MYOCD: variants seen among roughly 807,000 people sequenced by gnomAD.
MYOCD encodes myocardin.
In MYOCD, 32 loss-of-function variants were observed where a neutral mutation model predicts 96.1. The observed-to-expected ratio is 0.33, with a 90% CI of 0.25 to 0.45. The LOEUF is 0.45. MYOCD is among the 20% of genes least tolerant of loss of function. The probability of loss-of-function intolerance (pLI) is 1.00; values close to 1 mark genes in which losing one functional copy is unlikely to be tolerated. For synonymous variants in MYOCD, 469 were observed against 469.0 expected (o/e 1.00, Z 0.00); for missense variants, 1,133 against 1,200.6 (o/e 0.94, Z 0.83).
In MYOCD at chr17:12,746,055, A is replaced by G; in HGVS notation, c.1108A>G (p.Asn370Asp). ...SSFKPGPLPP[N>D]LDDLKVSELR... is the part of the protein sequence containing the mutation. ...TTTCAAACCAGGCCCACTCCCACCT[A>G]ACCTGGATGATCTGAAGGTATAGGA... The change falls in exon 9 of 14, where the codon AAC (asparagine) becomes GAC (aspartate). Residue 370 changes from asparagine to aspartate, a missense_variant. Transcript: ENST00000425538. 1 of 1,614,178 alleles carries G rather than the reference A, an allele frequency of 6.2e-7. No individual in the cohort carries two copies. Among genetic ancestry groups the G allele is most frequent in the Non-Finnish European group, 8.5e-7 (1 of 1,180,024 alleles).
intron 5 of MYOCD, among the ~76,000 whole-genome samples, chr17:12,728,037 T>G (rs570176369): frequency 3.3e-5 from 5 of 152,246 alleles, no homozygotes; most frequent in African/African-American, 1.2e-4. Flanking sequence ...TCATTGCCTA[T>G]TTCGCCTTCG....
At position 12,763,576 on chromosome 17, in the gene MYOCD, A is replaced by G. The variant is rs374731521; in HGVS notation, c.2893A>G (p.Ile965Val). 16 of 1,613,944 alleles carry G rather than the reference A, an allele frequency of 9.9e-6. No homozygotes were observed. The highest frequency in any genetic ancestry group is 2.7e-5 in the African/African-American group (2 of 74,892). Reference protein sequence around the residue: ...LTTSSPSIFNIDFLDVTDLNL... With the variant: ...LTTSSPSIFNVDFLDVTDLNL... ...CACCAGCAGCCCCAGCATCTTCAAC[A>G]TCGATTTCCTGGATGTCACTGATCT... is the stretch of plus-strand genomic sequence containing the variant. Residue 965 changes from isoleucine (I) to valine (V), a missense_variant, in exon 14 of 14, where the codon ATC becomes GTC. Transcript: ENST00000425538.
chr17:12,700,206 G>A (rs1477971103), intron 1 of MYOCD, among the ~76,000 whole-genome samples: 1 of 151,596 alleles, frequency 6.6e-6, no homozygotes, highest in Non-Finnish European at 1.5e-5. Context: ...ACCACAACCA[G>A]TCAATAAGCA....
chr17:12,749,608 T>C (rs929492534), intron 9 of MYOCD, among the ~76,000 whole-genome samples: 1 of 145,116 alleles, frequency 6.9e-6, no homozygotes, highest in Non-Finnish European at 1.5e-5. Context: ...TGTATATATA[T>C]ACACATGTCT....
At chr17:12,732,438 G>A (rs574622157) in intron 5 of MYOCD, among the ~76,000 whole-genome samples, 22 of 152,186 alleles carry the variant, frequency 1.4e-4, no homozygotes, top group Non-Finnish European at 2.5e-4. Context: ...CACCTCCTCC[G>A]GGAGGCTTCT....
chr17:12,714,704 G>A (rs1487934391), intron 2 of MYOCD, among the ~76,000 whole-genome samples: 1 of 152,174 alleles, frequency 6.6e-6, no homozygotes, highest in Non-Finnish European at 1.5e-5. Context: ...GCTATGAAGG[G>A]TGATGAGGAG....
At chr17:12,701,658 A>G (rs971192804) in intron 1 of MYOCD, among the ~76,000 whole-genome samples, 1 of 152,122 alleles carries the variant, frequency 6.6e-6, no homozygotes, top group African/African-American at 2.4e-5. Flanking sequence ...TTCTAATATA[A>G]GTATTTAAAA....
At chr17:12,726,498 T>C (rs2032004028) in intron 5 of MYOCD, among the ~76,000 whole-genome samples, 1 of 152,150 alleles carries the variant, frequency 6.6e-6, no homozygotes, top group Non-Finnish European at 1.5e-5. Context: ...AATCTCAACC[T>C]GGAAATGAAC....
intron 2 of MYOCD, among the ~76,000 whole-genome samples, chr17:12,709,515 T>C (rs533004841): frequency 3.9e-5 from 6 of 152,366 alleles, no homozygotes; most frequent in African/African-American, 1.2e-4. Context: ...GCATTTACAA[T>C]GGCAGTTGTG....
intron 1 of MYOCD, among the ~76,000 whole-genome samples, chr17:12,681,454 T>C (rs1056919241): frequency 2.6e-5 from 4 of 152,226 alleles, no homozygotes; most frequent in African/African-American, 9.6e-5. Flanking sequence ...AGGGAAAGAA[T>C]AGCTTCGCAG....
chr17:12,761,405 CTA>C (rs10543380), intron 13 of MYOCD: 36,566 of 151,716 alleles, frequency 0.24, 5,354 homozygotes, highest in East Asian at 0.39. Context: ...AGTCTCCGTG[CTA>C]TGATCAGACA....
At chr17:12,687,107 CAT>C (rs1012262903) in intron 1 of MYOCD, among the ~76,000 whole-genome samples, 25 of 152,250 alleles carry the variant, frequency 1.6e-4, no homozygotes, top group African/African-American at 5.1e-4. Context: ...GATTTTAAAA[CAT>C]AGAGTTTTAA....
chr17:12,687,347 A>C (rs1226440458), intron 1 of MYOCD, among the ~76,000 whole-genome samples: 1 of 152,180 alleles, frequency 6.6e-6, no homozygotes, highest in Non-Finnish European at 1.5e-5. Flanking sequence ...AGAAAAAGAC[A>C]TGTGGGTTTA....
At chr17:12,677,351 T>A (rs1169319464) in intron 1 of MYOCD, among the ~76,000 whole-genome samples, 1 of 151,990 alleles carries the variant, frequency 6.6e-6, no homozygotes, top group East Asian at 1.9e-4. Flanking sequence ...CAAACCCCCA[T>A]GACACGCGTT....
chr17:12,665,995 C>A lies in MYOCD; in HGVS notation c.-194C>A, dbSNP rs543743691. On this transcript the variant is annotated 5_prime_UTR_variant, in exon 1 of 14. Coordinates refer to ENST00000425538, the MANE Select transcript of MYOCD (RefSeq NM_001146312.3). This position sits in a 1 kb window ranked among gnomAD's most constrained non-coding sequence, Gnocchi z 4.2. ...GTCCCGCCGGCTAAGAGTTAATTAG[C>A]CCCGCACGGCGAGGGGGGAGGCGCC... The A allele has an allele frequency of 5.4e-5, 30 of 558,984 alleles. No homozygotes were observed. The highest frequency in any genetic ancestry group is 4.2e-4 in the African/African-American group (22 of 52,420). 34.6% of individuals were successfully genotyped at this position (558,984 alleles called of 1,614,324 possible).
intron 1 of MYOCD, among the ~76,000 whole-genome samples, chr17:12,695,767 G>A (rs1368098732): frequency 2.0e-5 from 3 of 152,010 alleles, no homozygotes; most frequent in Non-Finnish European, 2.9e-5. Flanking sequence ...GTGGCATTAC[G>A]TACACTCACA....
intron 9 of MYOCD, among the ~76,000 whole-genome samples, chr17:12,747,965 C>T (rs2032716352): frequency 6.7e-6 from 1 of 150,274 alleles, no homozygotes; most frequent in African/African-American, 2.4e-5. Flanking sequence ...GAGATCAAGA[C>T]CAGCCTGACC....
rs11871396 is a variant in MYOCD at position 12,692,137 on chromosome 17, T to C, written c.56-12991T>C. Among the ~76,000 whole-genome samples, 409 of 152,388 alleles carry C rather than the reference T, an allele frequency of 2.7e-3. 4 individuals are homozygous for C. The highest frequency in any genetic ancestry group is 9.5e-3 in the African/African-American group (395 of 41,590). ...TTCCATCTCACTCGATGTGATGTGT[T>C]ACTCCTGTGCCTTCAGTTTTCCCTT... On this transcript the variant is annotated intron_variant, in intron 1 of 13. Coordinates refer to ENST00000425538, the MANE Select transcript of MYOCD (RefSeq NM_001146312.3).
At chr17:12,750,073 G>A (rs938222975) in intron 9 of MYOCD, among the ~76,000 whole-genome samples, 3 of 151,876 alleles carry the variant, frequency 2.0e-5, no homozygotes, top group African/African-American at 4.8e-5. Flanking sequence ...TCCTGACCTC[G>A]TGATCCGCCC....
Sources: gnomAD v4.1 joint callset for allele counts (sites outside exome capture counted in the v4.1 genomes callset) on GRCh38, gnomAD v4.1.1 for gene constraint, Gnocchi (gnomAD v3.1) non-coding constraint, MANE v1.5 for transcripts, NCBI Gene and HGNC (gene_info 2026-07-23, HGNC 2026-07-21) for gene names.